The following CLEC4M variants were observed in gnomAD, a reference collection of about 807,000 sequenced individuals.
CLEC4M encodes C-type lectin domain family 4 member M, also known as CD209 antigen-like protein 1.
Under a neutral mutation model 39.1 loss-of-function variants are expected in CLEC4M, and 25 were observed. The observed-to-expected ratio is 0.64, with a 90% CI of 0.47 to 0.89. The LOEUF (loss-of-function observed/expected upper bound fraction) is 0.89, where lower values mean the gene tolerates loss of function less well. Among genes scored for constraint, CLEC4M ranks in the 40% least tolerant of loss-of-function variants. CLEC4M has a pLI of 0.00. For synonymous variants in CLEC4M, 155 were observed against 177.4 expected (o/e 0.87, Z 1.00); for missense variants, 353 against 431.4 (o/e 0.82, Z 1.61).
chr19:7,767,816 C>T, intron 6 of CLEC4M, 188 bp downstream of exon 6: 1 of 565,422 alleles, frequency 1.8e-6, no homozygotes, highest in Non-Finnish European at 3.2e-6. Flanking sequence ...CCAAGAATTC[C>T]ACCAGCAGAG....
At chr19:7,766,633 C>T (rs770281758) in intron 4 of CLEC4M, 23 bp from the exon 5 acceptor site, 2 of 1,614,078 alleles carry the variant, frequency 1.2e-6, no homozygotes, top group Non-Finnish European at 1.7e-6. Context: ...CTGAGCCCAG[C>T]CCTGACCAGC....
rs371480260 is a variant in CLEC4M, at chr19:7,765,657, C to G, written c.234C>G (p.Ser78=). Residue 78 remains serine, a synonymous_variant, in exon 4 of 7, where the codon TCC becomes TCG. Transcript: ENST00000327325. ...GCCCAGTGTCCAAGGTCCCCAGCTC[C>G]CTAAGTCAGGAACAATCCGAGCAAG... ...ILVQVSKVPS[S]LSQEQSEQDA... is the part of the protein sequence containing the mutation. The G allele has an allele frequency of 5.0e-6, 8 of 1,614,122 alleles. No individual in the cohort carries two copies. In the African/African-American group the frequency reaches 9.3e-5, roughly 19 times the overall value.
Position 7,767,146 on chromosome 19 carries a change from A to G in CLEC4M, c.936+339A>G, listed in dbSNP as rs2034313768. On this transcript the variant is annotated intron_variant, in intron 5 of 6. Transcript: ENST00000327325. ...CCACTGCGGCTGATTTCAAGCTGTG[A>G]TGTGCTGTCACTCAGTGCAGAGCTG... The G allele has an allele frequency of 9.0e-6, 4 of 445,724 alleles. No individual in the cohort carries two copies. In the Admixed American group the frequency reaches 1.4e-4, roughly 15 times the overall value. 27.6% of individuals were successfully genotyped at this position (445,724 alleles called of 1,614,324 possible).
At chr19:7,764,927 G>T (rs959185047) in intron 2 of CLEC4M, among the ~76,000 whole-genome samples, 1 of 152,070 alleles carries the variant, frequency 6.6e-6, no homozygotes, top group Non-Finnish European at 1.5e-5. Flanking sequence ...GGAGGTGGAC[G>T]CAGGTACCTG....
rs748331766 is a variant in CLEC4M, at chr19:7,765,230, T to C, written c.176T>C (p.Met59Thr). 18 of 1,614,164 alleles carry C rather than the reference T, an allele frequency of 1.1e-5. No individual in the cohort carries two copies. Among genetic ancestry groups the C allele is most frequent in the South Asian group, 4.4e-5 (4 of 91,084 alleles). The stretch of plus-strand genomic sequence containing the variant: ...CTGGTGCTGCAACTCCTCTCCTTCA[T>C]GCTCTTGGCTGGGGTCCTGGTGGCC... The part of the protein sequence containing the change: ...GALVLQLLSF[M>T]LLAGVLVAIL... Residue 59 changes from methionine (M) to threonine (T), a missense_variant, in exon 3 of 7, where the codon ATG becomes ACG. Coordinates refer to ENST00000327325, the MANE Select transcript of CLEC4M (RefSeq NM_014257.5).
rs979021530 is a variant in CLEC4M, at chr19:7,769,231, C to A, written c.*243C>A. The A allele has an allele frequency of 4.8e-6, 2 of 416,362 alleles. No homozygotes were observed. The highest frequency in any genetic ancestry group is 7.0e-5 in the Admixed American group (2 of 28,464). The allele number at this position is 416,362 out of a possible 1,614,324, so 25.8% of individuals were successfully genotyped here. ...CTTTATAAGTGACCTGAGTGGGATGCATTTAGGGGGCGGGCTTGGTATGTT... is the reference window on the plus strand; with the variant it reads ...CTTTATAAGTGACCTGAGTGGGATGAATTTAGGGGGCGGGCTTGGTATGTT... On this transcript the variant is annotated 3_prime_UTR_variant, in exon 7 of 7. Transcript: ENST00000327325.
intron 4 of CLEC4M, 74 bp downstream of exon 4, chr19:7,766,281 A>G (rs372318793): frequency 1.1e-5 from 17 of 1,586,966 alleles, no homozygotes; most frequent in Non-Finnish European, 1.4e-5. Flanking sequence ...TGAGTTACCA[A>G]CCCTGCCTGA....
chr19:7,768,522 C>T (rs657855), intron 6 of CLEC4M: 31,154 of 188,900 alleles, frequency 0.16, 3,439 homozygotes, highest in African/African-American at 0.32. Context: ...TGCAGTGAGC[C>T]GCCAAGATCA....
intron 6 of CLEC4M, chr19:7,767,846 T>G (rs1355104652): frequency 1.9e-6 from 1 of 519,340 alleles, no homozygotes; most frequent in South Asian, 2.5e-5. Flanking sequence ...GAGCTTGCCC[T>G]GTGGGTAGGT....
intron 3 of CLEC4M, 66 bp from the exon 4 acceptor site, chr19:7,765,572 G>T (rs542520111): frequency 1.1e-4 from 178 of 1,602,976 alleles, no homozygotes; most frequent in Middle Eastern, 6.7e-4. Flanking sequence ...TCTCTATGGG[G>T]CTCAGTTCAG....
Position 7,767,010 on chromosome 19 carries a change from C to T in CLEC4M, c.936+203C>T, listed in dbSNP as rs559639523. On this transcript the variant is annotated intron_variant, in intron 5 of 6. Coordinates refer to ENST00000327325, the MANE Select transcript of CLEC4M (RefSeq NM_014257.5). ...AACACATGTGAATATTTGGGGGAAA[C>T]GTCAAATGTAAGCAAACCACCACAG... The T allele has an allele frequency of 3.0e-4, 275 of 916,876 alleles. 4 individuals carry two copies. In the East Asian group the frequency reaches 5.6e-3, roughly 19 times the overall value. The allele number at this position is 916,876 out of a possible 1,614,324, so 56.8% of individuals were successfully genotyped here. A position where few individuals can be genotyped will look rare whatever the true frequency, so the allele number is the denominator to read the frequency against.
chr19:7,763,324 T>C lies in CLEC4M; in HGVS notation c.46+12T>C. On this transcript the variant is annotated intron_variant, in intron 1 of 6. Transcript: ENST00000327325. ...GCTGGGCCTCCTGGGTAAGGCTGGG[T>C]TGGAACTCTGGGATCCTGGGTAAGG... 6 of 1,611,012 alleles carry C rather than the reference T, an allele frequency of 3.7e-6. No homozygotes were observed. The highest frequency in any genetic ancestry group is 4.2e-6 in the Non-Finnish European group (5 of 1,178,450).
intron 6 of CLEC4M, 51 bp downstream of exon 6, chr19:7,767,679 A>C (rs1243555092): frequency 5.3e-6 from 8 of 1,516,400 alleles, no homozygotes. Flanking sequence ...GGGTTCCTGC[A>C]ACTCTGACTT....
At chr19:7,765,584 G>T in intron 3 of CLEC4M, 54 bp from the exon 4 acceptor site, 2 of 1,610,058 alleles carry the variant, frequency 1.2e-6, no homozygotes, top group Non-Finnish European at 1.7e-6. Context: ...TCAGTTCAGG[G>T]CTTGGCACAC....
At chr19:7,766,504 A>G in intron 4 of CLEC4M, 152 bp from the exon 5 acceptor site, 1 of 1,494,154 alleles carries the variant, frequency 6.7e-7, no homozygotes, top group Non-Finnish European at 8.9e-7. Context: ...CTTGGGAAGT[A>G]GGGAGAGGAA....
In CLEC4M at chr19:7,769,488, A is replaced by C. The variant is rs568502820; in HGVS notation, c.*500A>C. On this transcript the variant is annotated 3_prime_UTR_variant, in exon 7 of 7. Coordinates refer to ENST00000327325, the MANE Select transcript of CLEC4M (RefSeq NM_014257.5). ...TCAACCAATGGCATCCAGAGAGGGC[A>C]TGGAGGCTCCATACAACCTCTTCCA... 6.3e-6 allele frequency: 1 copy of C among 158,048 alleles called. No individual in the cohort carries two copies. The highest frequency in any genetic ancestry group is 6.0e-5 in the Admixed American group (1 of 16,686). 9.8% of individuals were successfully genotyped at this position (158,048 alleles called of 1,614,324 possible).
rs1381361326 is a variant in CLEC4M at position 7,763,261 on chromosome 19, GA to G, written c.-2del. 14 of 1,593,956 alleles carry G rather than the reference GA, an allele frequency of 8.8e-6. No individual in the cohort carries two copies. Among genetic ancestry groups the G allele is most frequent in the Non-Finnish European group, 1.2e-5 (14 of 1,171,614 alleles). ...AGTCCTGAACATCTGGGGACAGCGG[GA>G]AAACATGAGTGACTCCAAGGAACCA... On this transcript the variant is annotated 5_prime_UTR_variant, in exon 1 of 7. Coordinates refer to ENST00000327325, the MANE Select transcript of CLEC4M (RefSeq NM_014257.5).
intron 4 of CLEC4M, 138 bp from the exon 5 acceptor site, chr19:7,766,518 T>C (rs1477866374): frequency 4.0e-6 from 6 of 1,518,962 alleles, no homozygotes; most frequent in Non-Finnish European, 5.3e-6. Context: ...AGAGGAATGG[T>C]CTCTCCCCAT....
intron 2 of CLEC4M, 145 bp downstream of exon 2, chr19:7,763,621 G>A (rs1568526325): frequency 6.2e-6 from 4 of 649,136 alleles, no homozygotes; most frequent in Non-Finnish European, 1.0e-5. Context: ...AAGAGGACGG[G>A]GTAGGGATCT....
Sources: gnomAD v4.1 joint callset for allele counts (sites outside exome capture counted in the v4.1 genomes callset) on GRCh38, gnomAD v4.1.1 for gene constraint, MANE v1.5 for transcripts, NCBI Gene and HGNC (gene_info 2026-07-23, HGNC 2026-07-21) for gene names.